The following CCSER1 variants were observed in gnomAD, a reference collection of about 807,000 sequenced individuals.
CCSER1 encodes coiled-coil serine rich protein 1.
Under a neutral mutation model 82.0 loss-of-function variants are expected in CCSER1, and 41 were observed. The ratio of observed to expected loss-of-function variants is 0.50; its 90% confidence interval spans 0.39 to 0.65. The LOEUF (loss-of-function observed/expected upper bound fraction) is 0.65, where lower values mean the gene tolerates loss of function less well. Among genes scored for constraint, CCSER1 ranks in the 30% least tolerant of loss-of-function variants. CCSER1 has a pLI of 0.00. For missense variants in CCSER1, 1,119 were observed against 1,064.2 expected (o/e 1.05, Z -0.72); for synonymous variants, 414 against 383.9 (o/e 1.08, Z -0.92).
At chr4:91,028,263 G>T (rs12646823) in intron 9 of CCSER1, among the ~76,000 whole-genome samples, 1 of 151,516 alleles carries the variant, frequency 6.6e-6, no homozygotes, top group East Asian at 1.9e-4. Flanking sequence ...TATCAGAATG[G>T]AGTGCTCTTC....
In CCSER1 at chr4:90,259,599, AT is replaced by A. The variant is rs1723949152; in HGVS notation, c.-41-48644del. On this transcript the variant is annotated intron_variant, in intron 1 of 10. Transcript: ENST00000509176. ...CTAAGATGTTAGCTGTGGGTTTGTCATATATGGCTTTTATTACTTTGAGGTA... is the reference window on the plus strand; with the variant it reads ...CTAAGATGTTAGCTGTGGGTTTGTCAATATGGCTTTTATTACTTTGAGGTA... Among the ~76,000 whole-genome samples the A allele has an allele frequency of 1.3e-5, 2 of 152,116 alleles. 1 individual carries two copies. The highest frequency in any genetic ancestry group is 4.1e-4 in the South Asian group (2 of 4,832).
intron 10 of CCSER1, among the ~76,000 whole-genome samples, chr4:91,514,534 T>C (rs1759996235): frequency 6.6e-6 from 1 of 152,214 alleles, no homozygotes; most frequent in Admixed American, 6.5e-5. Context: ...ATCTGTCTAA[T>C]GCTGTCAGTG....
At chr4:91,359,160 CA>C (rs1246615348) in intron 10 of CCSER1, among the ~76,000 whole-genome samples, 1 of 149,688 alleles carries the variant, frequency 6.7e-6, no homozygotes, top group African/African-American at 2.4e-5. Context: ...TGGTATGTGA[CA>C]GGGGCTGCAT....
chr4:90,620,544 G>C (rs1370120447), intron 5 of CCSER1, among the ~76,000 whole-genome samples: 1 of 152,224 alleles, frequency 6.6e-6, no homozygotes, highest in East Asian at 1.9e-4. Context: ...AATCATCGTA[G>C]TTTCAAATAT....
chr4:90,621,782 C>T (rs909535461), intron 5 of CCSER1, among the ~76,000 whole-genome samples: 1 of 152,138 alleles, frequency 6.6e-6, no homozygotes, highest in Non-Finnish European at 1.5e-5. Context: ...CTAGTAGGAT[C>T]AAGTGAATTT....
At chr4:91,361,640 G>C (rs1256060397) in intron 10 of CCSER1, among the ~76,000 whole-genome samples, 1 of 151,776 alleles carries the variant, frequency 6.6e-6, no homozygotes, top group Non-Finnish European at 1.5e-5. Context: ...AACAGAGACT[G>C]CAAGTAGAGA....
At chr4:91,173,041 C>T (rs1427362698) in intron 10 of CCSER1, among the ~76,000 whole-genome samples, 1 of 152,038 alleles carries the variant, frequency 6.6e-6, no homozygotes, top group African/African-American at 2.4e-5. Context: ...GTGATTAAAT[C>T]GAAAGAACAT....
chr4:91,285,484 A>G (rs940575261), intron 10 of CCSER1, among the ~76,000 whole-genome samples: 2 of 151,934 alleles, frequency 1.3e-5, no homozygotes, highest in East Asian at 1.9e-4. Flanking sequence ...TCACGAAATC[A>G]AAGTGTATTT....
intron 10 of CCSER1, among the ~76,000 whole-genome samples, chr4:91,411,733 T>A (rs1336121472): frequency 1.1e-5 from 1 of 89,322 alleles, no homozygotes; most frequent in South Asian, 3.8e-4. Context: ...ACTACTGATA[T>A]TGGAGCTAGT....
chr4:90,853,357 T>C (rs1459565686), intron 8 of CCSER1, among the ~76,000 whole-genome samples: 4 of 152,162 alleles, frequency 2.6e-5, no homozygotes, highest in Middle Eastern at 3.2e-3. Flanking sequence ...AAAGAGGAAC[T>C]CAATGAACCA....
chr4:90,498,862 C>G (rs1409880998), intron 5 of CCSER1, among the ~76,000 whole-genome samples: 1 of 151,932 alleles, frequency 6.6e-6, no homozygotes, highest in Non-Finnish European at 1.5e-5. Context: ...TAGAGAAGTG[C>G]CACTTAACAA....
chr4:91,153,045 T>G (rs1301950278), intron 10 of CCSER1, among the ~76,000 whole-genome samples: 1 of 151,952 alleles, frequency 6.6e-6, no homozygotes, highest in East Asian at 1.9e-4. Flanking sequence ...TTCCTGAATT[T>G]GAATGTTGGC....
At position 91,236,187 on chromosome 4, in the gene CCSER1, C is replaced by T. The variant is rs112219697; in HGVS notation, c.2217+150193C>T. Among the ~76,000 whole-genome samples, 1,101 of 152,042 alleles carry T rather than the reference C, an allele frequency of 7.2e-3. 14 individuals are homozygous for T. Among genetic ancestry groups the T allele is most frequent in the African/African-American group, 0.025 (1,043 of 41,402 alleles). On this transcript the variant is annotated intron_variant, in intron 10 of 10. Transcript: ENST00000509176. ...TGTCATCTATCCCAGCCTCATTGTACATATAAAAAAATACTTTCAGCCGGG... is the reference window on the plus strand; with the variant it reads ...TGTCATCTATCCCAGCCTCATTGTATATATAAAAAAATACTTTCAGCCGGG...
At chr4:90,960,065 T>C (rs900661810) in intron 9 of CCSER1, among the ~76,000 whole-genome samples, 4 of 152,180 alleles carry the variant, frequency 2.6e-5, no homozygotes, top group African/African-American at 9.6e-5. Context: ...GATAAGGAAA[T>C]AGCTTTCCTT....
intron 10 of CCSER1, among the ~76,000 whole-genome samples, chr4:91,496,686 T>TATATATATTAA (rs1560716694): frequency 1.2e-4 from 2 of 16,044 alleles, no homozygotes; most frequent in Non-Finnish European, 4.0e-4. Flanking sequence ...TATTTGAATA[T>TATATATATTAA]ATATATATTC....
intron 5 of CCSER1, among the ~76,000 whole-genome samples, chr4:90,571,433 A>G (rs189782569): frequency 2.0e-4 from 31 of 152,332 alleles, no homozygotes; most frequent in Non-Finnish European, 2.9e-5. Flanking sequence ...ATCATGTTCC[A>G]TGTAACAACA....
intron 6 of CCSER1, among the ~76,000 whole-genome samples, chr4:90,629,219 AG>A (rs1723893829): frequency 6.6e-6 from 1 of 152,230 alleles, no homozygotes; most frequent in Non-Finnish European, 1.5e-5. Context: ...GCAGTATAAA[AG>A]AAATGAATGC....
intron 9 of CCSER1, among the ~76,000 whole-genome samples, chr4:91,009,759 T>C (rs1200311894): frequency 6.6e-6 from 1 of 152,230 alleles, no homozygotes; most frequent in East Asian, 1.9e-4. Context: ...CAACTTAACT[T>C]AATTTGCATA....
rs936345311 is a variant in CCSER1 at position 90,169,924 on chromosome 4, A to G, written c.-42+42093A>G. Among the ~76,000 whole-genome samples, 18 of 152,030 alleles carry G rather than the reference A, an allele frequency of 1.2e-4. No individual in the cohort carries two copies. In the East Asian group the frequency reaches 3.5e-3, roughly 30 times the overall value. The stretch of plus-strand genomic sequence containing the variant: ...CTTAGGCTTCTATGATAATACACGT[A>G]TCCTGGACCTCCTTCCCTTTCTTCT... On this transcript the variant is annotated intron_variant, in intron 1 of 10. Coordinates refer to ENST00000509176, the MANE Select transcript of CCSER1 (RefSeq NM_001145065.2).
Sources: allele counts gnomAD v4.1 joint callset (sites outside exome capture counted in the v4.1 genomes callset), GRCh38; gene constraint gnomAD v4.1.1; transcripts MANE v1.5; gene names NCBI Gene and HGNC (gene_info 2026-07-23, HGNC 2026-07-21).